HYOU1: variants seen among roughly 807,000 people sequenced by gnomAD.
HYOU1 encodes the protein hypoxia up-regulated 1.
HYOU1 carries 40 observed loss-of-function variants against 120.5 expected under a neutral mutation model. The ratio of observed to expected loss-of-function variants is 0.33; its 90% CI spans 0.26 to 0.43. HYOU1 has a LOEUF of 0.43. Ranked by LOEUF, HYOU1 falls within the 20% of genes least tolerant of loss-of-function variation. The probability of loss-of-function intolerance (pLI) is 1.00; values close to 1 mark genes in which losing one functional copy is unlikely to be tolerated. For missense variants in HYOU1, 1,085 were observed against 1,278.3 expected (o/e 0.85, Z 2.31); for synonymous variants, 501 against 479.4 (o/e 1.05, Z -0.59).
chr11:119,049,738 G>A (rs2133575171), intron 15 of HYOU1, 39 bp downstream of exon 15: 1 of 1,609,550 alleles, frequency 6.2e-7, no homozygotes, highest in Admixed American at 1.7e-5. Context: ...CTTCACACAA[G>A]TATATTCTCT....
In HYOU1 at chr11:119,045,763, C is replaced by A; in HGVS notation, c.2938+18G>T. The A allele has an allele frequency of 6.2e-7, 1 of 1,613,492 alleles. No homozygotes were observed. The highest frequency in any genetic ancestry group is 8.5e-7 in the Non-Finnish European group (1 of 1,179,796). ...GACCCCACCAGGCTTCCCACCGTAG[C>A]CCCGGCTCCATCCTCACCTGCTCCA... is the stretch of plus-strand genomic sequence containing the variant. On this transcript the variant is annotated intron_variant, in intron 25 of 25. Coordinates refer to ENST00000617285, the MANE Select transcript of HYOU1 (RefSeq NM_006389.5).
chr11:119,055,539 G>T lies in HYOU1; in HGVS notation c.218C>A (p.Thr73Asn). The stretch of plus-strand genomic sequence containing the variant: ...AAAGAATCTTTCATTTTCTTTCAGG[G>T]TCACGATCACCGGTGTTTTCCTCCG... ...ESRRKTPVIV[T>N]LKENERFFGD... Residue 73 changes from threonine to asparagine, a missense_variant, in exon 4 of 26, where the codon ACC (threonine) becomes AAC (asparagine). By Grantham distance (65) the Thr-to-Asn change is moderately conservative. Around this residue, in one of 4 missense-constraint regions of HYOU1, gnomAD observed 515 missense variants for 677.8 expected, o/e 0.76. Coordinates refer to ENST00000617285, the MANE Select transcript of HYOU1 (RefSeq NM_006389.5). The surrounding 1 kb of genome is among the most constrained non-coding windows in gnomAD (Gnocchi z 4.0). 6.2e-7 allele frequency: 1 copy of T among 1,614,032 alleles called. No homozygotes were observed. Among genetic ancestry groups the T allele is most frequent in the Non-Finnish European group, 8.5e-7 (1 of 1,180,006 alleles).
Position 119,051,161 on chromosome 11 carries a change from G to C in HYOU1, c.1539C>G (p.Ser513=). Residue 513 remains serine (S), a synonymous_variant, in exon 14 of 26, where the codon TCC becomes TCG. Transcript: ENST00000617285. This position sits in a 1 kb window ranked among gnomAD's most constrained non-coding sequence, Gnocchi z 4.2. Reference sequence around the variant, plus strand: ...TTAGCTTCACTGTGGTCAGATTCTGGGAGCCAAATACCCTGGTTGGGAAGG... The same window carrying C: ...TTAGCTTCACTGTGGTCAGATTCTGCGAGCCAAATACCCTGGTTGGGAAGG... ...LGPEDLRVFG[S]QNLTTVKLKG... is the part of the protein sequence containing the mutation. The C allele has an allele frequency of 6.2e-7, 1 of 1,614,192 alleles. No individual in the cohort carries two copies. Among genetic ancestry groups the C allele is most frequent in the Non-Finnish European group, 8.5e-7 (1 of 1,180,030 alleles).
chr11:119,045,925 A>G lies in HYOU1; in HGVS notation c.2888-94T>C, dbSNP rs2133546207. 8 of 1,186,634 alleles carry G rather than the reference A, an allele frequency of 6.7e-6. No individual in the cohort carries two copies. The African/African-American group carries it at 1.1e-4, about 16-fold the overall frequency. 73.5% of individuals were successfully genotyped at this position (1,186,634 alleles called of 1,614,324 possible). On this transcript the variant is annotated intron_variant, in intron 24 of 25. Transcript: ENST00000617285. ...TTTTCCATGAAGAGCCAGCTAGTAA[A>G]TATTTTAGGATGCATGTACCACATT...
Position 119,046,778 on chromosome 11 carries a change from C to G in HYOU1, c.2620G>C (p.Glu874Gln). The G allele has an allele frequency of 6.2e-7, 1 of 1,601,160 alleles. No individual in the cohort carries two copies. Among genetic ancestry groups the G allele is most frequent in the East Asian group, 2.2e-5 (1 of 44,882 alleles). Residue 874 changes from glutamate (E) to glutamine (Q), a missense_variant, in exon 23 of 26, where the codon GAG (glutamate) becomes CAG (glutamine). Physicochemically the swap from Glu to Gln is conservative, Grantham distance 29. Transcript: ENST00000617285. ...TCTGTGGCGGGCAGCTTAGCCTGCT[C>G]GGCCAGAGTTGCATTCTTCCAGGCC... ...TWAWKNATLA[E>Q]QAKLPATEKP... is the part of the protein sequence containing the mutation.
rs199870937 is a variant in HYOU1 at position 119,052,263 on chromosome 11, C to T, written c.1122+32G>A. On this transcript the variant is annotated intron_variant, in intron 10 of 25. Transcript: ENST00000617285. The surrounding 1 kb of genome is among the most constrained non-coding windows in gnomAD (Gnocchi z 5.0). Reference sequence around the variant, plus strand: ...CATGGGTTTCCTATGCCCTTTCCTACGGGGCATTCCCGCCTTCCCCTACTC... The same window carrying T: ...CATGGGTTTCCTATGCCCTTTCCTATGGGGCATTCCCGCCTTCCCCTACTC... The T allele has an allele frequency of 7.6e-5, 123 of 1,614,054 alleles. No homozygotes were observed. The highest frequency in any genetic ancestry group is 5.2e-4 in the Admixed American group (31 of 60,022).
In HYOU1 at chr11:119,051,637, G is replaced by A. The variant is rs2134694956; in HGVS notation, c.1339-12C>T. 2 of 1,613,860 alleles carry A rather than the reference G, an allele frequency of 1.2e-6. No homozygotes were observed. Among genetic ancestry groups the A allele is most frequent in the Non-Finnish European group, 1.7e-6 (2 of 1,179,890 alleles). Reference sequence around the variant, plus strand: ...CTCGTGAACTCCACCTACACAGCAGGCAGACAGAGGCACACTGTTGCACAC... The same window carrying A: ...CTCGTGAACTCCACCTACACAGCAGACAGACAGAGGCACACTGTTGCACAC... On this transcript the variant is annotated splice_polypyrimidine_tract_variant and intron_variant, in intron 12 of 25. Coordinates refer to ENST00000617285, the MANE Select transcript of HYOU1 (RefSeq NM_006389.5). This position sits in a 1 kb window ranked among gnomAD's most constrained non-coding sequence, Gnocchi z 4.2.
Position 119,052,773 on chromosome 11 carries a change from G to A in HYOU1, c.851C>T (p.Ala284Val). 1 of 1,614,200 alleles carries A rather than the reference G, an allele frequency of 6.2e-7. No individual in the cohort carries two copies. The highest frequency in any genetic ancestry group is 8.5e-7 in the Non-Finnish European group (1 of 1,180,042). Residue 284 changes from alanine (A) to valine (V), a missense_variant, in exon 9 of 26, where the codon GCT (alanine) becomes GTT (valine). By Grantham distance (64) the Ala-to-Val change is moderately conservative. Around this residue, in one of 4 missense-constraint regions of HYOU1, gnomAD observed 515 missense variants for 677.8 expected, o/e 0.76. Transcript: ENST00000617285. The surrounding 1 kb of genome is among the most constrained non-coding windows in gnomAD (Gnocchi z 5.0). Reference sequence around the variant, plus strand: ...CTTGCGCTGCTCATTGAAAAGCCCAGCCAGGCGTTCTCGAAGCCGGAGCTC... The same window carrying A: ...CTTGCGCTGCTCATTGAAAAGCCCAACCAGGCGTTCTCGAAGCCGGAGCTC... ...EMELRLRERL[A>V]GLFNEQRKGQ...
rs1209226593 is a variant in HYOU1, at chr11:119,055,677, C to T, written c.185+73G>A. On this transcript the variant is annotated intron_variant, in intron 3 of 25. Coordinates refer to ENST00000617285, the MANE Select transcript of HYOU1 (RefSeq NM_006389.5). The surrounding 1 kb of genome is among the most constrained non-coding windows in gnomAD (Gnocchi z 4.0). ...CAGATGCCGAAGTCTGCTGTGGGCA[C>T]TATGACTAACACATTCACACTTGGA... is the stretch of plus-strand genomic sequence containing the variant. 2.7e-6 allele frequency: 4 copies of T among 1,498,906 alleles called. No homozygotes were observed. Among genetic ancestry groups the T allele is most frequent in the Non-Finnish European group, 3.7e-6 (4 of 1,074,944 alleles). 92.9% of individuals were successfully genotyped at this position (1,498,906 alleles called of 1,614,324 possible). A position where few individuals can be genotyped will look rare whatever the true frequency, so the allele number is the denominator to read the frequency against.
Position 119,054,637 on chromosome 11 carries a change from A to C in HYOU1, c.535T>G (p.Phe179Val). Residue 179 changes from phenylalanine to valine, a missense_variant, in exon 7 of 26, where the codon TTC becomes GTC. Phe to Val is a conservative substitution (Grantham distance 50). Transcript: ENST00000617285. ...GCTCGGCGCTCGGCCTGGTTGAAGA[A>C]GACTGGCACGGTGATCACTGCATCC... is the stretch of plus-strand genomic sequence containing the variant. ...IKDAVITVPV[F>V]FNQAERRAVL... 6.2e-7 allele frequency: 1 copy of C among 1,613,808 alleles called. No individual in the cohort carries two copies.
chr11:119,054,002 C>G (rs1565719742), intron 8 of HYOU1, 119 bp downstream of exon 8: 2 of 650,954 alleles, frequency 3.1e-6, no homozygotes. Flanking sequence ...TGACTGATGC[C>G]TCAATCAGGA....
rs2133608076 is a variant in HYOU1 at position 119,054,799 on chromosome 11, G to C, written c.497-124C>G. On this transcript the variant is annotated intron_variant, in intron 6 of 25. Coordinates refer to ENST00000617285, the MANE Select transcript of HYOU1 (RefSeq NM_006389.5). ...TTGTGGGGCTGTCCTGTGCACTGTA[G>C]GATGTTGAGCAGCATCCCCGGCCTC... 374 of 1,153,950 alleles carry C rather than the reference G, an allele frequency of 3.2e-4. 3 individuals are homozygous for C. The South Asian group carries it at 5.1e-3, about 16-fold the overall frequency. The allele number at this position is 1,153,950 out of a possible 1,614,324, so 71.5% of individuals were successfully genotyped here. A position where few individuals can be genotyped will look rare whatever the true frequency, so the allele number is the denominator to read the frequency against.
Position 119,054,167 on chromosome 11 carries a change from T to C in HYOU1, c.748A>G (p.Thr250Ala). The change falls in exon 8 of 26, where the codon ACT becomes GCT. Residue 250 changes from threonine (T) to alanine (A), a missense_variant. Around this residue, in one of 4 missense-constraint regions of HYOU1, gnomAD observed 515 missense variants for 677.8 expected, o/e 0.76. Coordinates refer to ENST00000617285, the MANE Select transcript of HYOU1 (RefSeq NM_006389.5). ...CTIVTYQMVK[T>A]KEAGMQPQLQ... ...TGTGGCTGCATCCCAGCTTCCTTAG[T>C]CTTCACCATCTGGTAGGTCACAATG... 1 of 1,614,140 alleles carries C rather than the reference T, an allele frequency of 6.2e-7. No individual in the cohort carries two copies. Among genetic ancestry groups the C allele is most frequent in the Non-Finnish European group, 8.5e-7 (1 of 1,179,968 alleles).
Position 119,047,744 on chromosome 11 carries a change from T to C in HYOU1, c.2585A>G (p.Asn862Ser), listed in dbSNP as rs2133557957. ...VEMTTLEKVI[N>S]ETWAWKNATL... ...TTACGAAGTGATTACCCAGGTCTCA[T>C]TGATGACTTTCTCTAACGTTGTCAT... The change falls in exon 22 of 26, where the codon AAT (asparagine) becomes AGT (serine). Residue 862 changes from asparagine to serine, a missense_variant. Around this residue, in one of 4 missense-constraint regions of HYOU1, gnomAD observed 516 missense variants for 517.1 expected, o/e 1.00. Transcript: ENST00000617285. The C allele has an allele frequency of 1.9e-5, 30 of 1,612,924 alleles. No individual in the cohort carries two copies. Among genetic ancestry groups the C allele is most frequent in the East Asian group, 4.5e-5 (2 of 44,886 alleles).
rs188549146 is a variant in HYOU1 at position 119,049,747 on chromosome 11, C to G, written c.1726+30G>C. The G allele has an allele frequency of 5.8e-5, 93 of 1,611,612 alleles. 1 individual carries two copies. In the East Asian group the frequency reaches 1.8e-3, roughly 31 times the overall value. ...CCCAACCTTCACACAAGTATATTCT[C>G]TCCCATACACACATGCATGCTCATC... On this transcript the variant is annotated intron_variant, in intron 15 of 25. Coordinates refer to ENST00000617285, the MANE Select transcript of HYOU1 (RefSeq NM_006389.5).
chr11:119,054,369 G>C lies in HYOU1; in HGVS notation c.678+125C>G. 13 of 1,198,444 alleles carry C rather than the reference G, an allele frequency of 1.1e-5. 1 individual carries two copies. The highest frequency in any genetic ancestry group is 2.2e-4 in the Middle Eastern group (1 of 4,456). The allele number at this position is 1,198,444 out of a possible 1,614,324, so 74.2% of individuals were successfully genotyped here. A position where few individuals can be genotyped will look rare whatever the true frequency, so the allele number is the denominator to read the frequency against. The stretch of plus-strand genomic sequence containing the variant: ...AAACAGCTCCAACAGGGGCTGGGAG[G>C]AGGCTATTGGTGCATTTTGCCAAGG... On this transcript the variant is annotated intron_variant, in intron 7 of 25. Coordinates refer to ENST00000617285, the MANE Select transcript of HYOU1 (RefSeq NM_006389.5).
At position 119,055,950 on chromosome 11, in the gene HYOU1, G is replaced by A. The variant is rs550337199; in HGVS notation, c.92-107C>T. The stretch of plus-strand genomic sequence containing the variant: ...CCATGGGTAAACGAAGATGGCAAAA[G>A]ACAAAAAGGCCTGGACCTAACAACT... On this transcript the variant is annotated intron_variant, in intron 2 of 25. Transcript: ENST00000617285. The surrounding 1 kb of genome is among the most constrained non-coding windows in gnomAD (Gnocchi z 4.0). 164 of 1,369,486 alleles carry A rather than the reference G, an allele frequency of 1.2e-4. No individual in the cohort carries two copies. The highest frequency in any genetic ancestry group is 1.6e-4 in the Non-Finnish European group (158 of 961,114). 84.8% of individuals were successfully genotyped at this position (1,369,486 alleles called of 1,614,324 possible).
Position 119,051,894 on chromosome 11 carries a change from G to A in HYOU1, c.1263C>T (p.Tyr421=). The A allele has an allele frequency of 6.2e-7, 1 of 1,614,172 alleles. No individual in the cohort carries two copies. Among genetic ancestry groups the A allele is most frequent in the African/African-American group, 1.3e-5 (1 of 75,028 alleles). ...AGGCTTTGCTGAGCGCAGCTGCCTG[G>A]TACACTGCCCCCATGGCGGCTGCTT... ...ADEAAAMGAV[Y]QAAALSKAFK... Residue 421 remains tyrosine (Y), a synonymous_variant, in exon 12 of 26, where the codon TAC becomes TAT. Coordinates refer to ENST00000617285, the MANE Select transcript of HYOU1 (RefSeq NM_006389.5). This position sits in a 1 kb window ranked among gnomAD's most constrained non-coding sequence, Gnocchi z 4.2.
In HYOU1 at chr11:119,045,838, T is replaced by C. The variant is rs2133545333; in HGVS notation, c.2888-7A>G. ...GTGTCTCCTGGCTCGGATCCTGCTT[T>C]GGGAAGAAACAGGTTAGTCTCCTCA... On this transcript the variant is annotated splice_polypyrimidine_tract_variant and splice_region_variant and intron_variant, in intron 24 of 25. Transcript: ENST00000617285. The C allele has an allele frequency of 3.7e-6, 6 of 1,612,444 alleles. No homozygotes were observed. The South Asian group carries it at 5.5e-5, about 15-fold the overall frequency.
Sources: gnomAD v4.1 joint callset for allele counts on GRCh38, gnomAD v4.1.1 for gene constraint, gnomAD v4.1.1 regional missense constraint, Gnocchi (gnomAD v3.1) non-coding constraint, MANE v1.5 for transcripts, NCBI Gene and HGNC (gene_info 2026-07-23, HGNC 2026-07-21) for gene names.